CSMD1: variants seen among roughly 807,000 people sequenced by gnomAD.
The protein encoded by CSMD1 is CUB and Sushi multiple domains 1.
Under a neutral mutation model 417.5 loss-of-function variants are expected in CSMD1, and 213 were observed. That is an observed-to-expected ratio of 0.51 (90% CI 0.46 to 0.57). The LOEUF (loss-of-function observed/expected upper bound fraction) is 0.57. Among genes scored for constraint, CSMD1 ranks in the 20% least tolerant of loss-of-function variants. CSMD1 has a pLI of 0.00. For synonymous variants in CSMD1, 2,862 were observed against 1,736.8 expected (o/e 1.65, Z -16.11); for missense variants, 6,923 against 4,529.7 (o/e 1.53, Z -15.17).
At chr8:4,652,209 A>C (rs190549743) in intron 1 of CSMD1, among the ~76,000 whole-genome samples, 10 of 152,318 alleles carry the variant, frequency 6.6e-5, no homozygotes, top group Non-Finnish European at 1.2e-4. Flanking sequence ...TCTTCAAAAG[A>C]ACCATAAAAA....
intron 3 of CSMD1, among the ~76,000 whole-genome samples, chr8:4,316,367 G>A (rs1007221266): frequency 6.6e-6 from 1 of 151,970 alleles, no homozygotes; most frequent in African/African-American, 2.4e-5. Context: ...CTTATACTCT[G>A]GGCTGCCACA....
intron 10 of CSMD1, among the ~76,000 whole-genome samples, chr8:3,500,604 G>A (rs923867269): frequency 6.6e-6 from 1 of 152,154 alleles, no homozygotes; most frequent in Non-Finnish European, 1.5e-5. Context: ...TGGTAGGGAG[G>A]ACACCAAGAA....
chr8:4,629,408 C>T (rs1452428442), intron 2 of CSMD1, among the ~76,000 whole-genome samples: 2 of 152,158 alleles, frequency 1.3e-5, no homozygotes, highest in African/African-American at 4.8e-5. Context: ...TACTTACTGG[C>T]ACAAATGTAT....
At chr8:3,531,450 A>C (rs1200137135) in intron 10 of CSMD1, among the ~76,000 whole-genome samples, 1 of 152,152 alleles carries the variant, frequency 6.6e-6, no homozygotes, top group Non-Finnish European at 1.5e-5. Context: ...TCACCCCTCA[A>C]AAAATCAAAT....
intron 3 of CSMD1, among the ~76,000 whole-genome samples, chr8:4,150,208 G>C (rs76469332): frequency 1.3e-5 from 2 of 152,060 alleles, no homozygotes; most frequent in Non-Finnish European, 2.9e-5. Flanking sequence ...TCACAGGATC[G>C]GCCCCAGGAA....
At chr8:4,634,175 G>T (rs189493950) in intron 2 of CSMD1, among the ~76,000 whole-genome samples, 1 of 152,000 alleles carries the variant, frequency 6.6e-6, no homozygotes, top group Non-Finnish European at 1.5e-5. Context: ...AATCATATAT[G>T]TATTGTTGGT....
rs537480625 is a variant in CSMD1, at chr8:4,717,107, T to G, written c.86-79549A>C. ...CCCTCTCTGCCCCGAGAAAAACTAT[T>G]TTTTTCTAATCATGAGAAAATAATC... On this transcript the variant is annotated intron_variant, in intron 1 of 69. Transcript: ENST00000635120. Among the ~76,000 whole-genome samples, 4 of 151,982 alleles carry G rather than the reference T, an allele frequency of 2.6e-5. No individual in the cohort carries two copies. The East Asian group carries it at 7.8e-4, about 30-fold the overall frequency.
At chr8:3,170,166 T>C (rs1426666089) in intron 37 of CSMD1, among the ~76,000 whole-genome samples, 1 of 152,172 alleles carries the variant, frequency 6.6e-6, no homozygotes, top group East Asian at 1.9e-4. Context: ...CCTGTTTGAG[T>C]GCTCATTTTT....
intron 1 of CSMD1, among the ~76,000 whole-genome samples, chr8:4,960,639 A>G (rs1315616038): frequency 1.3e-5 from 2 of 152,134 alleles, no homozygotes; most frequent in African/African-American, 2.4e-5. Context: ...ATACATCCAT[A>G]TATCCATACA....
intron 10 of CSMD1, among the ~76,000 whole-genome samples, chr8:3,536,436 G>C (rs1471618380): frequency 6.6e-6 from 1 of 152,192 alleles, no homozygotes; most frequent in Non-Finnish European, 1.5e-5. Context: ...CAGAAAGCAG[G>C]TTCACCAATG....
intron 3 of CSMD1, among the ~76,000 whole-genome samples, chr8:4,284,336 C>G (rs1183510746): frequency 6.6e-6 from 1 of 152,092 alleles, no homozygotes; most frequent in Non-Finnish European, 1.5e-5. Flanking sequence ...CCAATGCACT[C>G]CAGCCTGGGG....
chr8:4,223,681 T>C (rs1801179609), intron 3 of CSMD1, among the ~76,000 whole-genome samples: 1 of 152,188 alleles, frequency 6.6e-6, no homozygotes. Context: ...GGAAAAATCA[T>C]TTGACTTCCA....
chr8:2,982,767 C>T (rs1481688196), intron 54 of CSMD1, among the ~76,000 whole-genome samples: 3 of 152,152 alleles, frequency 2.0e-5, no homozygotes, highest in African/African-American at 7.2e-5. Context: ...TTTCCAGAAC[C>T]CAAAGCAATG....
At chr8:3,351,972 G>C (rs1808455395) in intron 21 of CSMD1, among the ~76,000 whole-genome samples, 1 of 151,988 alleles carries the variant, frequency 6.6e-6, no homozygotes, top group African/African-American at 2.4e-5. Context: ...CTGAACATAG[G>C]ACAGTTTTGT....
In CSMD1 at chr8:4,031,861, C is replaced by G. The variant is rs371968638; in HGVS notation, c.610+44G>C. 2.2e-5 allele frequency: 32 copies of G among 1,444,294 alleles called. No individual in the cohort carries two copies. The Admixed American group carries it at 7.1e-4, about 32-fold the overall frequency. The allele number at this position is 1,444,294 out of a possible 1,614,324, so 89.5% of individuals were successfully genotyped here. Reference sequence around the variant, plus strand: ...CATAAAAGCATCTCCAAAACCATTGCCCTGCCCTGGAGTCTGCTCACCAGC... The same window carrying G: ...CATAAAAGCATCTCCAAAACCATTGGCCTGCCCTGGAGTCTGCTCACCAGC... On this transcript the variant is annotated intron_variant, in intron 4 of 69. Transcript: ENST00000635120.
chr8:4,953,957 G>A (rs765698389), intron 1 of CSMD1, among the ~76,000 whole-genome samples: 1 of 152,118 alleles, frequency 6.6e-6, no homozygotes, highest in African/African-American at 2.4e-5. Flanking sequence ...CTAATGCACA[G>A]TAAAGTTAAG....
intron 2 of CSMD1, among the ~76,000 whole-genome samples, chr8:4,605,412 C>A (rs1469702942): frequency 6.6e-6 from 1 of 152,156 alleles, no homozygotes; most frequent in Non-Finnish European, 1.5e-5. Flanking sequence ...TGGAGGACCA[C>A]TCTGAACATA....
chr8:3,456,072 C>T (rs190254116), intron 12 of CSMD1, among the ~76,000 whole-genome samples: 1 of 152,192 alleles, frequency 6.6e-6, no homozygotes, highest in South Asian at 2.1e-4. Flanking sequence ...GCTGTCTCAG[C>T]AATGAGCAAG....
chr8:3,774,432 A>C (rs1398940295), intron 5 of CSMD1, among the ~76,000 whole-genome samples: 1 of 152,142 alleles, frequency 6.6e-6, no homozygotes, highest in African/African-American at 2.4e-5. Flanking sequence ...TTCCACCATG[A>C]TATCTCCATG....
Sources: allele counts gnomAD v4.1 joint callset (sites outside exome capture counted in the v4.1 genomes callset), GRCh38; gene constraint gnomAD v4.1.1; transcripts MANE v1.5; gene names NCBI Gene and HGNC (gene_info 2026-07-23, HGNC 2026-07-21).